The following PPP2R2B variants were observed in gnomAD, a reference collection of about 807,000 sequenced individuals.
PPP2R2B encodes protein phosphatase 2 regulatory subunit Bbeta, also known as serine/threonine-protein phosphatase 2A 55 kDa regulatory subunit B beta isoform.
Under a neutral mutation model 46.0 loss-of-function variants are expected in PPP2R2B, and 5 were observed. The ratio of observed to expected loss-of-function variants is 0.11; its 90% CI spans 0.06 to 0.23. The LOEUF (loss-of-function observed/expected upper bound fraction) is 0.23. Ranked by LOEUF, PPP2R2B falls within the 10% of genes least tolerant of loss-of-function variation. The pLI is 1.00. For missense variants in PPP2R2B, 367 were observed against 575.0 expected (o/e 0.64, Z 3.70); for synonymous variants, 215 against 206.7 (o/e 1.04, Z -0.34).
At chr5:147,022,886 G>A (rs191969572) in intron 1 of PPP2R2B, among the ~76,000 whole-genome samples, 5 of 151,822 alleles carry the variant, frequency 3.3e-5, no homozygotes, top group African/African-American at 1.2e-4. Context: ...AAAAATGAAG[G>A]CAACATAAAG....
intron 2 of PPP2R2B, among the ~76,000 whole-genome samples, chr5:146,818,926 C>A (rs1222050314): frequency 6.6e-6 from 1 of 152,058 alleles, no homozygotes; most frequent in Non-Finnish European, 1.5e-5. Flanking sequence ...AGTTTCTGAC[C>A]AAGGATAAAG....
chr5:146,961,675 A>G (rs1454021321), intron 1 of PPP2R2B, among the ~76,000 whole-genome samples: 1 of 152,122 alleles, frequency 6.6e-6, no homozygotes, highest in Admixed American at 6.5e-5. Flanking sequence ...ACCCATTGAA[A>G]ACCCATTTTT....
At chr5:146,789,466 GT>G in intron 2 of PPP2R2B, among the ~76,000 whole-genome samples, 1 of 152,118 alleles carries the variant, frequency 6.6e-6, no homozygotes, top group South Asian at 2.1e-4. Flanking sequence ...CTCTGGAGCA[GT>G]CTCAGGTGAA....
intron 2 of PPP2R2B, among the ~76,000 whole-genome samples, chr5:146,743,674 T>C (rs908522774): frequency 1.3e-5 from 2 of 152,222 alleles, no homozygotes; most frequent in Non-Finnish European, 2.9e-5. Context: ...ACTTATTTCA[T>C]TTCCCTTCCT....
intron 2 of PPP2R2B, among the ~76,000 whole-genome samples, chr5:146,795,925 TCATTTTTATCTATGCA>T (rs1756502769): frequency 6.6e-6 from 1 of 152,194 alleles, no homozygotes; most frequent in African/African-American, 2.4e-5. Context: ...TTAGTGACTA[TCATTTTTATCTATGCA>T]CATTTTTATC....
At position 146,650,711 on chromosome 5, in the gene PPP2R2B, C is replaced by T. The variant is rs947918435; in HGVS notation, c.461G>A (p.Arg154Lys). The T allele has an allele frequency of 6.2e-7, 1 of 1,613,252 alleles. No individual in the cohort carries two copies. Among genetic ancestry groups the T allele is most frequent in the Non-Finnish European group, 8.5e-7 (1 of 1,179,660 alleles). ...GGCCTCCACCATCAGGTCCATGGGT[C>T]TCAGGACAGGCACCTGGGATGCAAG... is the stretch of plus-strand genomic sequence containing the variant. ...TITTLRVPVL[R>K]PMDLMVEATP... Residue 154 changes from arginine (R) to lysine (K), a missense_variant, in exon 6 of 10, where the codon AGA (arginine) becomes AAA (lysine). Transcript: ENST00000394411.
intron 2 of PPP2R2B, among the ~76,000 whole-genome samples, chr5:147,063,423 C>CTA (rs773919104): frequency 1.8e-4 from 28 of 152,216 alleles, no homozygotes; most frequent in Non-Finnish European, 3.7e-4. Context: ...ATTTCAGTTG[C>CTA]TGTATTTGGG....
chr5:146,803,841 T>C (rs1269921526), intron 2 of PPP2R2B, among the ~76,000 whole-genome samples: 2 of 152,166 alleles, frequency 1.3e-5, no homozygotes, highest in Admixed American at 1.3e-4. Context: ...GCTTGCTTCA[T>C]GTAGTTGTTG....
chr5:146,880,179 T>TTG (rs57151657), upstream of PPP2R2B, among the ~76,000 whole-genome samples: 7,848 of 138,128 alleles, frequency 0.057, 288 homozygotes, highest in African/African-American at 0.12. Flanking sequence ...CATAGTTATT[T>TTG]TGTGTGTGTG....
intron 2 of PPP2R2B, among the ~76,000 whole-genome samples, chr5:146,832,595 T>C (rs555823805): frequency 1.2e-4 from 18 of 152,070 alleles, no homozygotes; most frequent in Admixed American, 2.0e-4. Context: ...AGTTTCATAT[T>C]GGCCAGGCTG....
chr5:146,955,811 C>T (rs896791161), intron 1 of PPP2R2B, among the ~76,000 whole-genome samples: 5 of 132,920 alleles, frequency 3.8e-5, no homozygotes, highest in Non-Finnish European at 7.7e-5. Flanking sequence ...CAGAGTCTTG[C>T]TCTGTCACCC....
chr5:146,897,100 A>G (rs1041195288), intron 1 of PPP2R2B, among the ~76,000 whole-genome samples: 2 of 152,228 alleles, frequency 1.3e-5, no homozygotes, highest in Non-Finnish European at 2.9e-5. Context: ...AAAAGAATAT[A>G]AAGAGGGTCA....
intron 1 of PPP2R2B, among the ~76,000 whole-genome samples, chr5:146,994,227 G>A (rs1160874454): frequency 1.3e-5 from 2 of 152,170 alleles, no homozygotes; most frequent in South Asian, 4.1e-4. Flanking sequence ...TGGTGAGATA[G>A]TGAGGATATT....
intron 1 of PPP2R2B, among the ~76,000 whole-genome samples, chr5:146,985,107 G>A (rs1246050098): frequency 7.4e-6 from 1 of 134,850 alleles, no homozygotes; most frequent in Non-Finnish European, 1.5e-5. Flanking sequence ...TGCAACCTAT[G>A]CCTCCCAGGT....
intron 2 of PPP2R2B, among the ~76,000 whole-genome samples, chr5:146,775,009 A>T (rs1582075608): frequency 6.6e-6 from 1 of 152,200 alleles, no homozygotes; most frequent in Non-Finnish European, 1.5e-5. Flanking sequence ...TCTTCCAGAG[A>T]AAAGCCCAAG....
intron 2 of PPP2R2B, among the ~76,000 whole-genome samples, chr5:146,873,778 T>G (rs1339216348): frequency 6.6e-6 from 1 of 152,196 alleles, no homozygotes; most frequent in Non-Finnish European, 1.5e-5. Flanking sequence ...GGCTGGCCAG[T>G]GACTAACATT....
chr5:147,059,363 T>C (rs892477755), upstream of PPP2R2B, among the ~76,000 whole-genome samples: 1 of 152,192 alleles, frequency 6.6e-6, no homozygotes, highest in Non-Finnish European at 1.5e-5. Flanking sequence ...GCAATTATCT[T>C]ACTGGGAGGC....
chr5:146,838,067 T>C (rs182100311), intron 2 of PPP2R2B, among the ~76,000 whole-genome samples: 4 of 152,256 alleles, frequency 2.6e-5, no homozygotes, highest in Admixed American at 2.6e-4. Flanking sequence ...CCCTGTCCTA[T>C]GGCGTTAAAG....
chr5:146,961,480 T>C (rs553550809), intron 1 of PPP2R2B, among the ~76,000 whole-genome samples: 1 of 152,338 alleles, frequency 6.6e-6, no homozygotes, highest in African/African-American at 2.4e-5. Context: ...TGATTCTAAC[T>C]TTTGCCTACC....
Sources: allele counts gnomAD v4.1 joint callset (sites outside exome capture counted in the v4.1 genomes callset), GRCh38; gene constraint gnomAD v4.1.1; transcripts MANE v1.5; gene names NCBI Gene and HGNC (gene_info 2026-07-23, HGNC 2026-07-21).